Variants in HTR3B observed in about 807,000 individuals in gnomAD.
HTR3B encodes 5-hydroxytryptamine receptor 3B.
In HTR3B, 44 loss-of-function variants were observed where a neutral mutation model predicts 42.8. That is an observed-to-expected ratio of 1.03 (90% CI 0.81 to 1.32). HTR3B has a LOEUF of 1.32. Among genes scored for constraint, HTR3B ranks in the 40% most tolerant of loss-of-function variants. HTR3B has a pLI of 0.00. For missense variants in HTR3B, 527 were observed against 536.5 expected (o/e 0.98, Z 0.17); for synonymous variants, 203 against 209.0 (o/e 0.97, Z 0.25).
Position 113,946,222 on chromosome 11 carries a change from C to G in HTR3B, c.*85C>G. On this transcript the variant is annotated 3_prime_UTR_variant, in exon 9 of 9. Coordinates refer to ENST00000260191, the MANE Select transcript of HTR3B (RefSeq NM_006028.5). ...TAGTGGGTTAAAAAGCTTTCTGGGT[C>G]GGGTGTGGTGGTTCTTGCCTATAGT... 1 of 1,080,434 alleles carries G rather than the reference C, an allele frequency of 9.3e-7. No homozygotes were observed. Among genetic ancestry groups the G allele is most frequent in the Admixed American group, 1.9e-5 (1 of 53,002 alleles). The allele number at this position is 1,080,434 out of a possible 1,614,324, so 66.9% of individuals were successfully genotyped here.
upstream of HTR3B, among the ~76,000 whole-genome samples, chr11:113,900,089 A>C (rs34117109): frequency 0.51 from 77,489 of 151,802 alleles, 20,530 homozygotes; most frequent in African/African-American, 0.64. Context: ...GAAACCCTGT[A>C]TCTACTAACA....
In HTR3B at chr11:113,946,271, C is replaced by T. The variant is rs1232273888; in HGVS notation, c.*134C>T. The T allele has an allele frequency of 1.2e-4, 82 of 676,264 alleles. No individual in the cohort carries two copies. In the East Asian group the frequency reaches 2.1e-3, roughly 17 times the overall value. The allele number at this position is 676,264 out of a possible 1,614,324, so 41.9% of individuals were successfully genotyped here. On this transcript the variant is annotated 3_prime_UTR_variant, in exon 9 of 9. Coordinates refer to ENST00000260191, the MANE Select transcript of HTR3B (RefSeq NM_006028.5). The stretch of plus-strand genomic sequence containing the variant: ...GTCCCAGTGCTTTGGGAGGCCATAG[C>T]AGGAGGATTGCTTGAGCCCAGGAGT...
chr11:113,913,089 C>T (rs1194094430), intron 2 of HTR3B, among the ~76,000 whole-genome samples: 2 of 150,244 alleles, frequency 1.3e-5, no homozygotes, highest in South Asian at 2.1e-4. Context: ...TCTGTGTCTT[C>T]GCTATTCATT....
chr11:113,945,293 C>G (rs1362766083), intron 8 of HTR3B, among the ~76,000 whole-genome samples: 1 of 151,634 alleles, frequency 6.6e-6, no homozygotes, highest in Non-Finnish European at 1.5e-5. Flanking sequence ...TGCCACCATG[C>G]CTTGCTAATT....
chr11:113,920,235 C>T (rs975688518), intron 2 of HTR3B, among the ~76,000 whole-genome samples: 19 of 152,114 alleles, frequency 1.2e-4, no homozygotes, highest in African/African-American at 4.6e-4. Context: ...ATCATGTTGG[C>T]CATGCTGGTC....
upstream of HTR3B, among the ~76,000 whole-genome samples, chr11:113,903,318 A>T (rs1949708453): frequency 6.6e-6 from 1 of 152,106 alleles, no homozygotes; most frequent in African/African-American, 2.4e-5. Context: ...TGTGCTTGTT[A>T]CTATTGGGGT....
At chr11:113,941,071 G>C (rs1950131161) in intron 6 of HTR3B, among the ~76,000 whole-genome samples, 1 of 152,192 alleles carries the variant, frequency 6.6e-6, no homozygotes, top group Non-Finnish European at 1.5e-5. Context: ...TACCTACCAA[G>C]TTTGCAGCGA....
At chr11:113,944,444 T>G (rs1950160697) in intron 7 of HTR3B, 129 bp from the exon 8 acceptor site, 1 of 782,130 alleles carries the variant, frequency 1.3e-6, no homozygotes, top group African/African-American at 1.7e-5. Context: ...AAGGCTACAG[T>G]GAGCCATGAT....
intron 8 of HTR3B, 148 bp downstream of exon 8, chr11:113,944,903 C>A: frequency 1.6e-6 from 1 of 644,504 alleles, no homozygotes; most frequent in South Asian, 2.8e-5. Flanking sequence ...TTTATATTAT[C>A]TCTCTGGAGA....
chr11:113,942,455 G>A (rs560136076), intron 6 of HTR3B, among the ~76,000 whole-genome samples: 6 of 152,216 alleles, frequency 3.9e-5, no homozygotes, highest in Non-Finnish European at 5.9e-5. Flanking sequence ...GCGAAACTCC[G>A]TCACACACAC....
intron 2 of HTR3B, among the ~76,000 whole-genome samples, chr11:113,916,361 T>C (rs1359348021): frequency 6.6e-6 from 1 of 152,230 alleles, no homozygotes; most frequent in African/African-American, 2.4e-5. Flanking sequence ...GAGTTATTTA[T>C]ATACTCTGAG....
intron 2 of HTR3B, among the ~76,000 whole-genome samples, chr11:113,930,325 T>G (rs1257327256): frequency 6.6e-6 from 1 of 152,112 alleles, no homozygotes; most frequent in African/African-American, 2.4e-5. Context: ...TTTTATAGTT[T>G]AAGCTCTTAC....
intron 6 of HTR3B, among the ~76,000 whole-genome samples, chr11:113,933,909 T>C (rs535363868): frequency 2.0e-5 from 3 of 152,134 alleles, no homozygotes; most frequent in Non-Finnish European, 4.4e-5. Context: ...GTGGTGGTGG[T>C]AGTGAGGGAA....
In HTR3B at chr11:113,932,930, T is replaced by C. The variant is rs756647214; in HGVS notation, c.539-6T>C. On this transcript the variant is annotated splice_polypyrimidine_tract_variant and splice_region_variant and intron_variant, in intron 5 of 8. Coordinates refer to ENST00000260191, the MANE Select transcript of HTR3B (RefSeq NM_006028.5). ...TGGGAAAGTCAATTGTTTGTGTTGT[T>C]TGCAGTGGAAGACGTAGACCTGGCC... is the stretch of plus-strand genomic sequence containing the variant. The C allele has an allele frequency of 6.2e-7, 1 of 1,613,144 alleles. No individual in the cohort carries two copies. Among genetic ancestry groups the C allele is most frequent in the Admixed American group, 1.7e-5 (1 of 59,782 alleles).
At chr11:113,941,127 A>G (rs1950131828) in intron 6 of HTR3B, among the ~76,000 whole-genome samples, 1 of 152,260 alleles carries the variant, frequency 6.6e-6, no homozygotes, top group South Asian at 2.1e-4. Flanking sequence ...CCGGCACACT[A>G]TCTGACACAT....
intron 6 of HTR3B, among the ~76,000 whole-genome samples, chr11:113,941,576 C>T (rs978174299): frequency 1.3e-5 from 2 of 152,170 alleles, no homozygotes; most frequent in African/African-American, 4.8e-5. Flanking sequence ...GAGACGCACT[C>T]CTCCACCCCC....
At chr11:113,921,216 G>A (rs945757310) in intron 2 of HTR3B, among the ~76,000 whole-genome samples, 2 of 150,596 alleles carry the variant, frequency 1.3e-5, no homozygotes, top group African/African-American at 4.9e-5. Flanking sequence ...CACGATCTCG[G>A]CTCACTGCAA....
In HTR3B at chr11:113,909,309, G is replaced by A. The variant is rs771968153; in HGVS notation, c.67G>A (p.Asp23Asn). 13 of 1,612,618 alleles carry A rather than the reference G, an allele frequency of 8.1e-6. No individual in the cohort carries two copies. The highest frequency in any genetic ancestry group is 1.0e-5 in the Non-Finnish European group (12 of 1,178,806). The change falls in exon 2 of 9, where the codon GAT (aspartate) becomes AAT (asparagine). Residue 23 changes from aspartate to asparagine, a missense_variant. Coordinates refer to ENST00000260191, the MANE Select transcript of HTR3B (RefSeq NM_006028.5). Reference protein sequence around the residue: ...ILVAAGILATDTHHPQDSALY... With the variant: ...ILVAAGILATNTHHPQDSALY... ...TTATTTTCCAGGAATTCTAGCCACA[G>A]ATACACATCATCCCCAGGATTCTGC...
chr11:113,916,907 C>T (rs757457414), intron 2 of HTR3B, among the ~76,000 whole-genome samples: 1 of 152,126 alleles, frequency 6.6e-6, no homozygotes, highest in East Asian at 1.9e-4. Context: ...TTCTTTTTCG[C>T]TTAAGAGGCT....
Sources: allele counts gnomAD v4.1 joint callset (sites outside exome capture counted in the v4.1 genomes callset), GRCh38; gene constraint gnomAD v4.1.1; transcripts MANE v1.5; gene names NCBI Gene and HGNC (gene_info 2026-07-23, HGNC 2026-07-21).